EPRS1: variants seen among roughly 807,000 people sequenced by gnomAD.
The protein encoded by EPRS1 is bifunctional glutamate/proline--tRNA ligase.
Under a neutral mutation model 188.3 loss-of-function variants are expected in EPRS1, and 107 were observed. The observed-to-expected ratio is 0.57, with a 90% confidence interval of 0.49 to 0.67. The LOEUF (loss-of-function observed/expected upper bound fraction) is 0.67, where lower values mean the gene tolerates loss of function less well. Among genes scored for constraint, EPRS1 ranks in the 30% least tolerant of loss-of-function variants. The pLI is 0.00. For missense variants in EPRS1, 1,577 were observed against 1,802.2 expected (o/e 0.88, Z 2.26); for synonymous variants, 596 against 593.1 (o/e 1.00, Z -0.07).
chr1:219,981,040 A>G (rs1403728481), intron 24 of EPRS1, among the ~76,000 whole-genome samples, 183 bp from the exon 25 acceptor site: 1 of 152,002 alleles, frequency 6.6e-6, no homozygotes, highest in Non-Finnish European at 1.5e-5. Flanking sequence ...GCTGGGCTAC[A>G]GGTGCACGCC....
At chr1:220,022,600 T>G in intron 8 of EPRS1, 82 bp from the exon 9 acceptor site, 9 of 1,164,462 alleles carry the variant, frequency 7.7e-6, no homozygotes, top group East Asian at 4.9e-5. Flanking sequence ...TGATATAAAT[T>G]TTCATGTTCT....
At chr1:219,972,343 T>G (rs1342505793) in intron 29 of EPRS1, among the ~76,000 whole-genome samples, 196 bp from the exon 30 acceptor site, 1 of 152,196 alleles carries the variant, frequency 6.6e-6, no homozygotes, top group African/African-American at 2.4e-5. Flanking sequence ...GAGCCTTAAA[T>G]GCATGGGAAA....
At chr1:219,993,376 A>G (rs1444198014) in intron 18 of EPRS1, among the ~76,000 whole-genome samples, 1 of 152,236 alleles carries the variant, frequency 6.6e-6, no homozygotes. Flanking sequence ...TGAGCAGGAG[A>G]AAAAGAATAA....
At chr1:219,996,445 T>C (rs1489695465) in intron 18 of EPRS1, among the ~76,000 whole-genome samples, 1 of 152,198 alleles carries the variant, frequency 6.6e-6, no homozygotes, top group African/African-American at 2.4e-5. Context: ...CTGCATCACC[T>C]GAGAAACATT....
In EPRS1 at chr1:220,040,974, T is replaced by C. The variant is rs112676340; in HGVS notation, c.47-705A>G. On this transcript the variant is annotated intron_variant, in intron 1 of 31. Coordinates refer to ENST00000366923, the MANE Select transcript of EPRS1 (RefSeq NM_004446.3). ...ATCGTTAATAGTATTTGAGTGACTA[T>C]TATATCTTAGTCACTATGCCAAATG... Among the ~76,000 whole-genome samples the C allele has an allele frequency of 7.2e-3, 1,091 of 151,934 alleles. 4 individuals carry two copies. Among genetic ancestry groups the C allele is most frequent in the Middle Eastern group, 0.031 (9 of 294 alleles).
chr1:220,031,081 ACT>A (rs1023148264), intron 5 of EPRS1, among the ~76,000 whole-genome samples: 2 of 115,120 alleles, frequency 1.7e-5, no homozygotes, highest in African/African-American at 3.6e-5. Flanking sequence ...GACGAGCAAA[ACT>A]CTGTCTCAAA....
intron 25 of EPRS1, among the ~76,000 whole-genome samples, chr1:219,980,549 A>G (rs113388706): frequency 1.5e-3 from 228 of 152,348 alleles, no homozygotes; most frequent in South Asian, 4.3e-3. Context: ...TCTACACATT[A>G]AAGTCCAGAA....
At chr1:220,013,690 A>C (rs968566017) in intron 12 of EPRS1, among the ~76,000 whole-genome samples, 1 of 152,240 alleles carries the variant, frequency 6.6e-6, no homozygotes, top group African/African-American at 2.4e-5. Context: ...GCTAGAAAAC[A>C]ACAAAGCAGT....
intron 17 of EPRS1, among the ~76,000 whole-genome samples, chr1:219,998,763 A>T (rs1661285875): frequency 6.6e-6 from 1 of 151,886 alleles, no homozygotes; most frequent in South Asian, 2.1e-4. Context: ...GGATGGTCTC[A>T]ATCTCCTGGC....
At chr1:220,018,042 C>T in intron 12 of EPRS1, 1 of 719,796 alleles carries the variant, frequency 1.4e-6, no homozygotes, top group Non-Finnish European at 2.1e-6. Context: ...TGTGATTGTG[C>T]TTCAAAGCCA....
intron 1 of EPRS1, among the ~76,000 whole-genome samples, chr1:220,042,802 T>C (rs1344998380): frequency 6.6e-6 from 1 of 151,888 alleles, no homozygotes; most frequent in Non-Finnish European, 1.5e-5. Flanking sequence ...GCGCCTATAG[T>C]CCCAGCTACT....
chr1:220,045,262 G>T (rs1399159639), intron 1 of EPRS1, among the ~76,000 whole-genome samples: 2 of 152,178 alleles, frequency 1.3e-5, no homozygotes. Flanking sequence ...TACTTTGGGA[G>T]GCCAAGTCAG....
At chr1:220,037,332 C>T (rs963343989) in intron 2 of EPRS1, among the ~76,000 whole-genome samples, 1 of 151,634 alleles carries the variant, frequency 6.6e-6, no homozygotes, top group Non-Finnish European at 1.5e-5. Flanking sequence ...TAGTGAAATC[C>T]CATCTCTACT....
At position 220,042,183 on chromosome 1, in the gene EPRS1, A is replaced by C. The variant is rs1259062898; in HGVS notation, c.47-1914T>G. On this transcript the variant is annotated intron_variant, in intron 1 of 31. Coordinates refer to ENST00000366923, the MANE Select transcript of EPRS1 (RefSeq NM_004446.3). ...GTGGCAGAGCAAGACTCCGTCCCCA[A>C]AAAAAAAAAAAAAAAAAGGCCACAT... Among the ~76,000 whole-genome samples, 7 of 145,524 alleles carry C rather than the reference A, an allele frequency of 4.8e-5. No individual in the cohort carries two copies. The East Asian group carries it at 8.0e-4, about 17-fold the overall frequency.
chr1:219,974,773 C>T (rs1286614447), intron 28 of EPRS1, among the ~76,000 whole-genome samples: 1 of 152,088 alleles, frequency 6.6e-6, no homozygotes, highest in Non-Finnish European at 1.5e-5. Flanking sequence ...GGATGTATTA[C>T]ATGCATTTGT....
chr1:220,045,822 G>A (rs993219077), intron 1 of EPRS1, among the ~76,000 whole-genome samples: 1 of 152,060 alleles, frequency 6.6e-6, no homozygotes, highest in African/African-American at 2.4e-5. Flanking sequence ...TAATATGCTC[G>A]TCTGGGTTAT....
intron 5 of EPRS1, among the ~76,000 whole-genome samples, chr1:220,030,742 T>C (rs187638822): frequency 5.3e-4 from 80 of 152,226 alleles, no homozygotes; most frequent in Non-Finnish European, 7.4e-4. Context: ...AGGAAAAGCT[T>C]AAAAGCAGTT....
At position 219,988,639 on chromosome 1, in the gene EPRS1, G is replaced by A; in HGVS notation, c.2726C>T (p.Ala909Val). 6.2e-7 allele frequency: 1 copy of A among 1,613,898 alleles called. No homozygotes were observed. The highest frequency in any genetic ancestry group is 8.5e-7 in the Non-Finnish European group (1 of 1,179,856). The change falls in exon 19 of 32, where the codon GCT (alanine) becomes GTT (valine). Residue 909 changes from alanine to valine, a missense_variant. Coordinates refer to ENST00000366923, the MANE Select transcript of EPRS1 (RefSeq NM_004446.3). ...PEAKVLFDKV[A>V]SQGEVVRKLK... The stretch of plus-strand genomic sequence containing the variant: ...TTTCCGAACTACTTCCCCTTGAGAA[G>A]CTACTTTGTCAAAAAGTACTTTCGC...
intron 6 of EPRS1, among the ~76,000 whole-genome samples, chr1:220,027,406 C>T (rs1200124419): frequency 3.5e-5 from 5 of 143,868 alleles, no homozygotes; most frequent in Non-Finnish European, 6.0e-5. Context: ...CCAGCCCGGG[C>T]GACAGAGCAA....
Sources: allele counts gnomAD v4.1 joint callset (sites outside exome capture counted in the v4.1 genomes callset), GRCh38; gene constraint gnomAD v4.1.1; transcripts MANE v1.5; gene names NCBI Gene and HGNC (gene_info 2026-07-23, HGNC 2026-07-21).